TMPRSS9: variants seen among roughly 807,000 people sequenced by gnomAD.
TMPRSS9 encodes transmembrane serine protease 9, also known as transmembrane protease serine 9.
A neutral mutation model predicts 111.4 loss-of-function variants in TMPRSS9; 113 were observed. The ratio of observed to expected loss-of-function variants is 1.01; its 90% CI spans 0.87 to 1.19. The LOEUF is 1.19. TMPRSS9 is among the 50% of genes most tolerant of loss of function. TMPRSS9 has a pLI of 0.00. For missense variants in TMPRSS9, 1,803 were observed against 1,513.1 expected (o/e 1.19, Z -3.18); for synonymous variants, 805 against 659.1 (o/e 1.22, Z -3.39).
Position 2,364,935 on chromosome 19 carries a change from C to T in TMPRSS9, c.-26+4575C>T, listed in dbSNP as rs143428813. Reference sequence around the variant, plus strand: ...CAGAGCTTGCAGTGAGCCAGGATCGCGCCACTGCACTCCAGCCTGGGCGAC... The same window carrying T: ...CAGAGCTTGCAGTGAGCCAGGATCGTGCCACTGCACTCCAGCCTGGGCGAC... On this transcript the variant is annotated intron_variant, in intron 1 of 17. Coordinates refer to the TMPRSS9 transcript ENST00000649857. Among the ~76,000 whole-genome samples, 1,252 of 150,976 alleles carry T rather than the reference C, an allele frequency of 8.3e-3. 16 individuals carry two copies. Among genetic ancestry groups the T allele is most frequent in the African/African-American group, 0.027 (1,088 of 40,982 alleles).
In TMPRSS9 at chr19:2,363,509, G is replaced by C. The variant is rs770124361; in HGVS notation, c.-26+3149G>C. 5.9e-5 allele frequency among the ~76,000 whole-genome samples: 9 copies of C among 151,644 alleles called. 1 individual carries two copies. The South Asian group carries it at 1.7e-3, about 28-fold the overall frequency. On this transcript the variant is annotated intron_variant, in intron 1 of 17. Coordinates refer to the TMPRSS9 transcript ENST00000649857. ...GGAGATTTGAGGTAGGAGCAGTTGT[G>C]GGGGGGTGGGGGGACAGGCGAGAGT...
intron 1 of TMPRSS9, among the ~76,000 whole-genome samples, chr19:2,366,408 G>T (rs1197267143): frequency 1.3e-5 from 2 of 152,172 alleles, no homozygotes; most frequent in African/African-American, 4.8e-5. Flanking sequence ...GCCGTCCTGT[G>T]TATTAGTTTT....
intron 1 of TMPRSS9, 183 bp from the exon 3 acceptor site, chr19:2,396,356 A>C: frequency 3.2e-6 from 2 of 628,614 alleles, no homozygotes; most frequent in Non-Finnish European, 2.4e-6. Context: ...GCTTTTGGGA[A>C]TTGAGGGAGA....
At chr19:2,422,804 C>T (rs1041680785) in intron 14 of TMPRSS9, among the ~76,000 whole-genome samples, 2 of 152,012 alleles carry the variant, frequency 1.3e-5, no homozygotes, top group East Asian at 3.9e-4. Context: ...AGGAGAATCG[C>T]TTGAACCCAG....
At chr19:2,424,869 C>G (rs1336201570) in intron 15 of TMPRSS9, 133 bp from the exon 17 acceptor site, 14 of 1,191,020 alleles carry the variant, frequency 1.2e-5, no homozygotes. Context: ...GAGCCCATTC[C>G]CAGACCGACA....
intron 1 of TMPRSS9, among the ~76,000 whole-genome samples, chr19:2,394,575 C>A (rs1292081966): frequency 8.1e-6 from 1 of 122,880 alleles, no homozygotes. Flanking sequence ...GCAATTCAGT[C>A]CGCCCACCAG....
chr19:2,363,803 T>TGTGTGTGTGTGTGCGC (rs1432791076), intron 1 of TMPRSS9, among the ~76,000 whole-genome samples: 61 of 116,616 alleles, frequency 5.2e-4, no homozygotes, highest in African/African-American at 1.6e-3. Flanking sequence ...TGTGTGTGTG[T>TGTGTGTGTGTGTGCGC]GCGTGCGCGC....
intron 9 of TMPRSS9, among the ~76,000 whole-genome samples, chr19:2,412,393 G>T (rs1211341472): frequency 3.3e-5 from 5 of 152,094 alleles, no homozygotes; most frequent in Admixed American, 2.6e-4. Context: ...GACAGAGTGA[G>T]ACGCCGTCTC....
At chr19:2,376,144 T>C (rs952950412) in intron 1 of TMPRSS9, among the ~76,000 whole-genome samples, 1 of 152,070 alleles carries the variant, frequency 6.6e-6, no homozygotes, top group Non-Finnish European at 1.5e-5. Flanking sequence ...GAGAATGTGT[T>C]CCCGCCTTTC....
At position 2,424,052 on chromosome 19, in the gene TMPRSS9, C is replaced by T; in HGVS notation, c.2549-37C>T. ...GGGGGGCCTTCGTGGAGGAGGTGCC[C>T]TGGGTCCGCCTGCCCACGCGCCTGG... is the stretch of plus-strand genomic sequence containing the variant. On this transcript the variant is annotated intron_variant, in intron 14 of 17. Transcript: ENST00000648592. The T allele has an allele frequency of 5.6e-6, 7 of 1,252,676 alleles. No individual in the cohort carries two copies. The South Asian group carries it at 1.2e-4, about 22-fold the overall frequency. 77.6% of individuals were successfully genotyped at this position (1,252,676 alleles called of 1,614,324 possible).
chr19:2,365,296 C>A (rs1254785867), intron 1 of TMPRSS9, among the ~76,000 whole-genome samples: 1 of 151,894 alleles, frequency 6.6e-6, no homozygotes. Context: ...TCACAAACAC[C>A]TCTTCCCATG....
At chr19:2,423,060 T>TA (rs558254831) in intron 14 of TMPRSS9, among the ~76,000 whole-genome samples, 6,166 of 132,794 alleles carry the variant, frequency 0.046, 138 homozygotes, top group Non-Finnish European at 0.058. Context: ...CTAAAAAAAT[T>TA]AAAAAAAAAA....
intron 17 of TMPRSS9, 98 bp downstream of exon 18, chr19:2,425,591 C>A: frequency 7.2e-7 from 1 of 1,391,230 alleles, no homozygotes; most frequent in Non-Finnish European, 9.3e-7. Flanking sequence ...AGCCACCCTC[C>A]GGTGCAGGCT....
At chr19:2,404,535 TCTGTCTCAAAAAAAAAAAAG>T (rs1247175886) in intron 6 of TMPRSS9, among the ~76,000 whole-genome samples, 2 of 149,110 alleles carry the variant, frequency 1.3e-5, no homozygotes, top group Non-Finnish European at 3.0e-5. Flanking sequence ...AGAGCAAAAC[TCTGTCTCAAAAAAAAAAAAG>T]CTGTCATTTT....
Position 2,425,927 on chromosome 19 carries a change from G to A in TMPRSS9, c.3121G>A (p.Gly1041Ser), listed in dbSNP as rs762929357. ...ACCCCCTTTCTTCTCTCCCCAACAG[G>A]GTGACGCTGGGGGACCCCTGGCCTG... Residue 1041 changes from glycine (G) to serine (S), a missense_variant and splice_region_variant, in exon 18 of 18, where the codon GGT (glycine) becomes AGT (serine). Coordinates refer to ENST00000648592, the Ensembl canonical transcript of TMPRSS9. 1.9e-6 allele frequency: 3 copies of A among 1,592,738 alleles called. No individual in the cohort carries two copies. Among genetic ancestry groups the A allele is most frequent in the Non-Finnish European group, 2.6e-6 (3 of 1,173,356 alleles).
chr19:2,376,111 G>C (rs1319062805), intron 1 of TMPRSS9, among the ~76,000 whole-genome samples: 1 of 152,148 alleles, frequency 6.6e-6, no homozygotes, highest in Non-Finnish European at 1.5e-5. Flanking sequence ...GGGCAGGGCT[G>C]GTCCCTCCTG....
At chr19:2,364,958 G>A (rs1021330180) in intron 1 of TMPRSS9, among the ~76,000 whole-genome samples, 6 of 148,514 alleles carry the variant, frequency 4.0e-5, no homozygotes, top group South Asian at 2.1e-4. Flanking sequence ...CAGCCTGGGC[G>A]ACGGAGCGAG....
At chr19:2,415,682 G>C in exon 11 of TMPRSS9, 1 of 1,599,718 alleles carries the variant, frequency 6.3e-7, no homozygotes, top group South Asian at 1.1e-5. Flanking sequence ...TGTGGGGCCA[G>C]GCCTGCAATG....
At chr19:2,380,729 G>A (rs1464324245) in intron 1 of TMPRSS9, among the ~76,000 whole-genome samples, 1 of 152,106 alleles carries the variant, frequency 6.6e-6, no homozygotes, top group Non-Finnish European at 1.5e-5. Context: ...TCAGAATCCT[G>A]ACCCCAGGAA....
Sources: allele counts gnomAD v4.1 joint callset (sites outside exome capture counted in the v4.1 genomes callset), GRCh38; gene constraint gnomAD v4.1.1; transcripts MANE v1.5; gene names NCBI Gene and HGNC (gene_info 2026-07-23, HGNC 2026-07-21).